PLXDC2: variants seen among roughly 807,000 people sequenced by gnomAD.
PLXDC2 encodes the protein plexin domain containing 2, also known as plexin domain-containing protein 2.
A neutral mutation model predicts 68.9 loss-of-function variants in PLXDC2; 40 were observed. The ratio of observed to expected loss-of-function variants is 0.58; its 90% CI spans 0.45 to 0.76. The LOEUF (loss-of-function observed/expected upper bound fraction) is 0.76. Ranked by LOEUF, PLXDC2 falls within the 30% of genes least tolerant of loss-of-function variation. The pLI, the probability that PLXDC2 is intolerant of heterozygous loss-of-function variation, is 0.00. For synonymous variants in PLXDC2, 243 were observed against 234.2 expected (o/e 1.04, Z -0.34); for missense variants, 644 against 661.9 (o/e 0.97, Z 0.30).
At chr10:20,272,482 C>T (rs1440974915) in intron 13 of PLXDC2, among the ~76,000 whole-genome samples, 1 of 151,962 alleles carries the variant, frequency 6.6e-6, no homozygotes, top group East Asian at 1.9e-4. Context: ...AGCTTGTCAC[C>T]CATGAGTCTG....
At chr10:19,982,302 T>C (rs574307958) in intron 1 of PLXDC2, among the ~76,000 whole-genome samples, 3 of 152,350 alleles carry the variant, frequency 2.0e-5, no homozygotes, top group South Asian at 2.1e-4. Context: ...GTGTGACTGA[T>C]TGGTGGTAGA....
At chr10:20,257,443 A>G (rs1835755386) in intron 13 of PLXDC2, among the ~76,000 whole-genome samples, 1 of 152,112 alleles carries the variant, frequency 6.6e-6, no homozygotes, top group African/African-American at 2.4e-5. Context: ...TTGGTAACCC[A>G]ACGGCAAAAA....
At chr10:20,051,809 T>C (rs1200155973) in intron 3 of PLXDC2, among the ~76,000 whole-genome samples, 1 of 152,000 alleles carries the variant, frequency 6.6e-6, no homozygotes, top group Non-Finnish European at 1.5e-5. Flanking sequence ...TTGGACTCTA[T>C]AGCAGGGGTT....
chr10:20,171,943 A>G (rs1186911736), intron 7 of PLXDC2, among the ~76,000 whole-genome samples: 1 of 152,074 alleles, frequency 6.6e-6, no homozygotes, highest in Non-Finnish European at 1.5e-5. Context: ...GGAGACTGGG[A>G]AGGGTGGGAG....
intron 2 of PLXDC2, among the ~76,000 whole-genome samples, chr10:20,031,197 G>A (rs1306273610): frequency 6.6e-6 from 1 of 151,970 alleles, no homozygotes; most frequent in Non-Finnish European, 1.5e-5. Flanking sequence ...GTGAGGCCCT[G>A]TTTCTACAAA....
intron 7 of PLXDC2, among the ~76,000 whole-genome samples, 192 bp from the exon 8 acceptor site, chr10:20,176,807 G>T (rs1180440041): frequency 6.6e-6 from 1 of 151,994 alleles, no homozygotes; most frequent in East Asian, 1.9e-4. Context: ...TTTCAACTTC[G>T]CTGATAAAAA....
At chr10:19,945,292 AGTCT>A (rs1335954819) in intron 1 of PLXDC2, among the ~76,000 whole-genome samples, 3 of 152,282 alleles carry the variant, frequency 2.0e-5, no homozygotes, top group African/African-American at 4.8e-5. Context: ...CTCATTGAGG[AGTCT>A]GTCTTTTTGT....
intron 13 of PLXDC2, among the ~76,000 whole-genome samples, chr10:20,250,209 A>G (rs975777768): frequency 6.8e-6 from 1 of 146,404 alleles, no homozygotes; most frequent in South Asian, 2.3e-4. Context: ...TGGAGGTTGT[A>G]GTGAGCCAAG....
intron 7 of PLXDC2, among the ~76,000 whole-genome samples, chr10:20,174,484 C>T (rs528581710): frequency 5.3e-5 from 8 of 152,122 alleles, no homozygotes; most frequent in Non-Finnish European, 1.0e-4. Flanking sequence ...ATGTGATACG[C>T]CTGAGATATT....
intron 2 of PLXDC2, 121 bp from the exon 3 acceptor site, chr10:20,046,748 T>C: frequency 1.1e-6 from 1 of 946,250 alleles, no homozygotes; most frequent in East Asian, 2.6e-5. Flanking sequence ...TCCTAGAGTA[T>C]AGTTAAATCA....
At chr10:19,974,754 A>G (rs1374160549) in intron 1 of PLXDC2, among the ~76,000 whole-genome samples, 1 of 152,226 alleles carries the variant, frequency 6.6e-6, no homozygotes, top group Non-Finnish European at 1.5e-5. Context: ...CCTAGTTGGC[A>G]TTCAATAGAT....
chr10:19,948,316 G>A (rs914507125), intron 1 of PLXDC2, among the ~76,000 whole-genome samples: 1 of 151,720 alleles, frequency 6.6e-6, no homozygotes, highest in Admixed American at 6.6e-5. Flanking sequence ...GAAGGGAAAT[G>A]GGGAAAATAA....
intron 1 of PLXDC2, among the ~76,000 whole-genome samples, chr10:19,994,963 C>T (rs777768680): frequency 3.3e-5 from 5 of 152,052 alleles, no homozygotes; most frequent in East Asian, 3.9e-4. Flanking sequence ...AGCCTGGTCT[C>T]GAATTCCTGA....
chr10:20,106,587 G>T (rs7924216), intron 4 of PLXDC2, among the ~76,000 whole-genome samples: 6 of 151,990 alleles, frequency 3.9e-5, no homozygotes, highest in African/African-American at 7.3e-5. Context: ...AAGAACAGGA[G>T]GGGGGAGCTG....
intron 9 of PLXDC2, among the ~76,000 whole-genome samples, chr10:20,203,067 G>A (rs1834941987): frequency 6.6e-6 from 1 of 152,056 alleles, no homozygotes; most frequent in Admixed American, 6.6e-5. Flanking sequence ...CAATATTGTA[G>A]CTTCACCCAG....
chr10:20,003,900 T>C (rs1182987652), intron 2 of PLXDC2, among the ~76,000 whole-genome samples: 1 of 152,192 alleles, frequency 6.6e-6, no homozygotes, highest in Non-Finnish European at 1.5e-5. Context: ...CTGAACTGGC[T>C]GCTGGAGAGG....
intron 6 of PLXDC2, among the ~76,000 whole-genome samples, chr10:20,162,038 AAGAAAG>A (rs1310610029): frequency 1.8e-4 from 8 of 43,402 alleles, no homozygotes; most frequent in Non-Finnish European, 3.3e-4. Flanking sequence ...GAAAGAAAGA[AAGAAAG>A]AGAGAGAGAG....
intron 13 of PLXDC2, among the ~76,000 whole-genome samples, chr10:20,269,069 G>A (rs1441947844): frequency 6.6e-6 from 1 of 152,132 alleles, no homozygotes; most frequent in African/African-American, 2.4e-5. Context: ...CAAAACCAAA[G>A]AATCTGTGCA....
At chr10:20,024,813 T>C (rs990569062) in intron 2 of PLXDC2, among the ~76,000 whole-genome samples, 19 of 152,144 alleles carry the variant, frequency 1.2e-4, no homozygotes, top group African/African-American at 4.6e-4. Flanking sequence ...AGTGAGAACA[T>C]GCAGTATTTG....
Sources: gnomAD v4.1 joint callset for allele counts (sites outside exome capture counted in the v4.1 genomes callset) on GRCh38, gnomAD v4.1.1 for gene constraint, MANE v1.5 for transcripts, NCBI Gene and HGNC (gene_info 2026-07-23, HGNC 2026-07-21) for gene names.